LOC728743: variants seen among roughly 807,000 people sequenced by gnomAD.
At chr7:150,408,023 T>G in the LOC728743 span, 1 of 397,276 alleles carries the variant, frequency 2.5e-6, no homozygotes. Flanking sequence ...CGAGCCGCGC[T>G]TCCTGCTCAA....
chr7:150,401,818 C>T, the LOC728743 span, among the ~76,000 whole-genome samples: 1 of 152,132 alleles, frequency 6.6e-6, no homozygotes, highest in South Asian at 2.1e-4. Flanking sequence ...AGGAACTGAA[C>T]TTTATTCAAT....
the LOC728743 span, chr7:150,407,723 C>G: frequency 2.3e-5 from 9 of 399,672 alleles, no homozygotes; most frequent in East Asian, 2.8e-4. Context: ...GCAGCCCTAC[C>G]GCTGCCCGCT....
chr7:150,409,437 C>G, the LOC728743 span, among the ~76,000 whole-genome samples: 2 of 152,202 alleles, frequency 1.3e-5, no homozygotes, highest in African/African-American at 4.8e-5. Flanking sequence ...GGACTCTGCT[C>G]CAGGACCTCT....
the LOC728743 span, chr7:150,408,231 G>T: frequency 2.6e-6 from 1 of 389,152 alleles, no homozygotes; most frequent in Non-Finnish European, 4.5e-6. Context: ...TGATGCGCCC[G>T]GGGCCTGCTG....
chr7:150,407,740 C>A, the LOC728743 span: 1 of 399,970 alleles, frequency 2.5e-6, no homozygotes, highest in Non-Finnish European at 4.4e-6. Flanking sequence ...CGCTGTGCGG[C>A]CAGACCTTCT....
chr7:150,408,276 C>T, the LOC728743 span: 9 of 376,340 alleles, frequency 2.4e-5, no homozygotes, highest in Non-Finnish European at 3.8e-5. Flanking sequence ...CGTGCGTCCC[C>T]GACCCCTGGA....
chr7:150,407,656 C>T, the LOC728743 span: 15 of 398,990 alleles, frequency 3.8e-5, no homozygotes, highest in East Asian at 5.0e-4. Context: ...CTGCGGGGGA[C>T]GGGGAGGAGG....
the LOC728743 span, chr7:150,408,367 G>A: frequency 2.8e-6 from 1 of 363,462 alleles, no homozygotes; most frequent in Non-Finnish European, 4.9e-6. Context: ...GAAGGTGTGG[G>A]CCGCCGCCAG....
chr7:150,406,535 T>C, the LOC728743 span, among the ~76,000 whole-genome samples: 2,205 of 152,256 alleles, frequency 0.014, 26 homozygotes, highest in Non-Finnish European at 0.023. Flanking sequence ...TAAGGCCTAG[T>C]CCAGGCTCAC....
the LOC728743 span, chr7:150,411,819 C>T: frequency 6.5e-6 from 1 of 152,680 alleles, no homozygotes; most frequent in South Asian, 2.1e-4. Flanking sequence ...GTGTCCCCCT[C>T]TGCCCATCAC....
chr7:150,403,142 C>T, the LOC728743 span, among the ~76,000 whole-genome samples: 29 of 152,132 alleles, frequency 1.9e-4, no homozygotes, highest in South Asian at 5.2e-3. The surrounding 1 kb of genome is among the most constrained non-coding windows in gnomAD (Gnocchi z 5.1). Context: ...GGCACTCTAT[C>T]GTGCTTGCCG....
the LOC728743 span, among the ~76,000 whole-genome samples, chr7:150,409,149 G>GGA: frequency 6.8e-6 from 1 of 147,754 alleles, no homozygotes; most frequent in Non-Finnish European, 1.5e-5. Context: ...AAGGGAGGGG[G>GGA]GGTCCTGATA....
At chr7:150,408,818 C>T in the LOC728743 span, among the ~76,000 whole-genome samples, 47 of 152,334 alleles carry the variant, frequency 3.1e-4, 1 homozygote, top group South Asian at 6.2e-4. Flanking sequence ...GACTCTTCCT[C>T]GCTGGGATAT....
chr7:150,411,866 A>C, the LOC728743 span: 4 of 152,426 alleles, frequency 2.6e-5, no homozygotes, highest in Admixed American at 2.0e-4. Flanking sequence ...GCCTTCCCCT[A>C]TACTGCTCGG....
chr7:150,405,526 G>A, the LOC728743 span: 1 of 151,560 alleles, frequency 6.6e-6, no homozygotes, highest in Admixed American at 6.6e-5. Flanking sequence ...CTGCGGCCGT[G>A]GGGGGTGGGC....
chr7:150,412,164 G>A, the LOC728743 span: 2 of 152,372 alleles, frequency 1.3e-5, no homozygotes, highest in East Asian at 1.9e-4. Flanking sequence ...AACACTTGTC[G>A]GCTGACTGGT....
the LOC728743 span, among the ~76,000 whole-genome samples, chr7:150,409,149 G>T: frequency 6.8e-6 from 1 of 147,754 alleles, no homozygotes; most frequent in Admixed American, 6.7e-5. Flanking sequence ...AAGGGAGGGG[G>T]GGTCCTGATA....
chr7:150,408,152 C>T, the LOC728743 span: 59 of 390,974 alleles, frequency 1.5e-4, no homozygotes, highest in African/African-American at 1.2e-3. Context: ...CGAGGGCTCG[C>T]TCAAGACCCA....
At chr7:150,402,966 T>A in the LOC728743 span, among the ~76,000 whole-genome samples, 1 of 152,336 alleles carries the variant, frequency 6.6e-6, no homozygotes. Context: ...CATGGTCTGC[T>A]GTTCTCCAGG....
Sources: allele counts gnomAD v4.1 joint callset (sites outside exome capture counted in the v4.1 genomes callset), GRCh38; gene constraint gnomAD v4.1.1; non-coding constraint Gnocchi (gnomAD v3.1); transcripts MANE v1.5.